PCDH19: variants seen among roughly 807,000 people sequenced by gnomAD.
PCDH19 encodes the protein protocadherin 19.
Under a neutral mutation model 46.2 loss-of-function variants are expected in PCDH19, and 6 were observed. The observed-to-expected ratio is 0.13, with a 90% CI of 0.07 to 0.26. The LOEUF is 0.26. Among genes scored for constraint, PCDH19 ranks in the 10% least tolerant of loss-of-function variants. The pLI, the probability that PCDH19 is intolerant of heterozygous loss-of-function variation, is 1.00. For synonymous variants in PCDH19, 481 were observed against 415.7 expected (o/e 1.16, Z -1.91); for missense variants, 740 against 972.3 (o/e 0.76, Z 3.18).
At chrX:100,336,269 G>A (rs1226485881) in intron 5 of PCDH19, among the ~76,000 whole-genome samples, 2 of 112,078 alleles carry the variant, frequency 1.8e-5, no homozygotes, top group Non-Finnish European at 3.8e-5. Context: ...AGTGAGGAGA[G>A]AGGTGAGTCG....
At chrX:100,395,853 C>G (rs1928012715) in intron 3 of PCDH19, among the ~76,000 whole-genome samples, 1 of 113,020 alleles carries the variant, frequency 8.8e-6, no homozygotes, top group Admixed American at 9.3e-5. Context: ...AAATACACAA[C>G]AGCCAAATAG....
intron 3 of PCDH19, among the ~76,000 whole-genome samples, chrX:100,372,043 C>T (rs532154615): frequency 1.8e-5 from 2 of 111,462 alleles, no homozygotes; most frequent in South Asian, 7.7e-4. Flanking sequence ...TCAAGACCAG[C>T]CCGGCCAGTA....
At chrX:100,357,956 C>T (rs749840920) in intron 3 of PCDH19, among the ~76,000 whole-genome samples, 7 of 112,134 alleles carry the variant, frequency 6.2e-5, no homozygotes, top group Admixed American at 1.9e-4. Flanking sequence ...AGGCAGGTGA[C>T]GAAGTTTATT....
intron 3 of PCDH19, among the ~76,000 whole-genome samples, chrX:100,376,678 A>AT (rs779763112): frequency 9.8e-4 from 91 of 92,474 alleles, no homozygotes; most frequent in South Asian, 3.5e-3. Flanking sequence ...AGTAACTTAG[A>AT]TTTTTTTCTT....
chrX:100,342,213 G>T, intron 4 of PCDH19, 138 bp from the exon 5 acceptor site: 1 of 549,489 alleles, frequency 1.8e-6, no homozygotes, highest in Non-Finnish European at 3.2e-6. Flanking sequence ...AAGGGGAAGA[G>T]AAATTTGTGC....
intron 5 of PCDH19, among the ~76,000 whole-genome samples, chrX:100,301,290 A>G (rs1206625566): frequency 2.7e-5 from 3 of 112,095 alleles, no homozygotes; most frequent in Non-Finnish European, 5.6e-5. Context: ...ATCCAGTCAC[A>G]ATGGATGTGT....
Position 100,295,154 on chromosome X carries a change from C to G in PCDH19, c.*1123G>C, listed in dbSNP as rs2147444280. On this transcript the variant is annotated 3_prime_UTR_variant, in exon 6 of 6. Coordinates refer to ENST00000373034, the MANE Select transcript of PCDH19 (RefSeq NM_001184880.2). ...GTTCTCAATCCCAGCCCATGACGTG[C>G]TTTGCAGTCTAATTCTAATCATGAT... 8.9e-6 allele frequency: 1 copy of G among 112,122 alleles called. No homozygotes were observed. The highest frequency in any genetic ancestry group is 3.2e-5 in the African/African-American group (1 of 30,782). 9.2% of individuals were successfully genotyped at this position (112,122 alleles called of 1,213,427 possible).
chrX:100,340,737 T>C (rs1271166169), intron 5 of PCDH19, among the ~76,000 whole-genome samples: 1 of 112,062 alleles, frequency 8.9e-6, no homozygotes, highest in Non-Finnish European at 1.9e-5. Flanking sequence ...GAATCTACAG[T>C]GACTAATTTT....
chrX:100,296,492 T>C lies in PCDH19; in HGVS notation c.3232A>G (p.Lys1078Glu). 1 of 1,210,672 alleles carries C rather than the reference T, an allele frequency of 8.3e-7. No homozygotes were observed. The highest frequency in any genetic ancestry group is 1.8e-5 in the South Asian group (1 of 56,889). The change falls in exon 6 of 6, where the codon AAG becomes GAG. Residue 1078 changes from lysine (K) to glutamate (E), a missense_variant. This residue lies in a region of PCDH19 where 416 missense variants were observed against 476.8 expected (regional missense o/e 0.87). Coordinates refer to ENST00000373034, the MANE Select transcript of PCDH19 (RefSeq NM_001184880.2). ...GCAATGGTGTAAGACACGGAAGGCT[T>C]GGTGGGCAGAGAGCTCTTGAGGTGG... ...PLHLKSSLPT[K>E]PSVSYTIALA... is the part of the protein sequence containing the mutation.
chrX:100,359,812 T>C (rs1402649583), intron 3 of PCDH19, among the ~76,000 whole-genome samples: 1 of 65,278 alleles, frequency 1.5e-5, no homozygotes, highest in Non-Finnish European at 3.9e-5. Flanking sequence ...TGTGTGTGTA[T>C]GTGTGTGTGT....
At chrX:100,351,782 A>G (rs2147493512) in intron 3 of PCDH19, among the ~76,000 whole-genome samples, 1 of 112,597 alleles carries the variant, frequency 8.9e-6, no homozygotes, top group East Asian at 2.8e-4. Flanking sequence ...TCAGACCTCT[A>G]CCTGTCAGAT....
chrX:100,333,213 GAA>G (rs1925970180), intron 5 of PCDH19, among the ~76,000 whole-genome samples: 2 of 103,144 alleles, frequency 1.9e-5, no homozygotes, highest in Admixed American at 2.1e-4. Context: ...AAGAAAGAAA[GAA>G]AGAAAGAAAG....
chrX:100,308,315 G>A (rs1405357999), intron 5 of PCDH19, among the ~76,000 whole-genome samples: 1 of 111,163 alleles, frequency 9.0e-6, no homozygotes, highest in Non-Finnish European at 1.9e-5. Flanking sequence ...AATGGTGCTG[G>A]GATCATTGAC....
rs1928552366 is a variant in PCDH19 at position 100,410,040 on chromosome X, G to A, written c.-1443C>T. On this transcript the variant is annotated 5_prime_UTR_variant, in exon 1 of 6. Coordinates refer to ENST00000373034, the MANE Select transcript of PCDH19 (RefSeq NM_001184880.2). ...GAGTATGAGCAAGCAGGAGGCAATG[G>A]GTTTGGGGTAGGAGGTTTAGGATTT... 6.7e-6 allele frequency: 2 copies of A among 297,789 alleles called. No individual in the cohort carries two copies. The highest frequency in any genetic ancestry group is 2.7e-5 in the African/African-American group (1 of 36,842). 24.5% of individuals were successfully genotyped at this position (297,789 alleles called of 1,213,427 possible). A position where few individuals can be genotyped will look rare whatever the true frequency, so the allele number is the denominator to read the frequency against.
At chrX:100,334,260 T>C (rs910301519) in intron 5 of PCDH19, among the ~76,000 whole-genome samples, 15 of 111,743 alleles carry the variant, frequency 1.3e-4, no homozygotes, top group Non-Finnish European at 2.3e-4. Context: ...GTATTGTATA[T>C]TTCAAGATAG....
chrX:100,324,634 A>G (rs1925622323), intron 5 of PCDH19, among the ~76,000 whole-genome samples: 1 of 112,550 alleles, frequency 8.9e-6, no homozygotes, highest in African/African-American at 3.2e-5. Context: ...TGGATATTAA[A>G]GAACGCCAAG....
chrX:100,299,131 G>A (rs1924701700), intron 5 of PCDH19, among the ~76,000 whole-genome samples: 1 of 111,643 alleles, frequency 9.0e-6, no homozygotes, highest in African/African-American at 3.3e-5. Context: ...AAAATGTCCA[G>A]AAGGCTATAA....
In PCDH19 at chrX:100,410,272, C is replaced by T. The variant is rs898997244; in HGVS notation, c.-1675G>A. On this transcript the variant is annotated 5_prime_UTR_variant, in exon 1 of 6. Transcript: ENST00000373034. ...CTGCTCCTCCGGATGCCGCAAACTACTGGCCGCGGAGTCTGGAGAAAGCCG... is the reference window on the plus strand; with the variant it reads ...CTGCTCCTCCGGATGCCGCAAACTATTGGCCGCGGAGTCTGGAGAAAGCCG... The T allele has an allele frequency of 1.3e-4, 38 of 295,766 alleles. No homozygotes were observed. Among genetic ancestry groups the T allele is most frequent in the African/African-American group, 7.4e-4 (27 of 36,540 alleles). The allele number at this position is 295,766 out of a possible 1,213,427, so 24.4% of individuals were successfully genotyped here.
At chrX:100,308,265 C>A (rs1277945979) in intron 5 of PCDH19, among the ~76,000 whole-genome samples, 1 of 110,963 alleles carries the variant, frequency 9.0e-6, no homozygotes, top group African/African-American at 3.3e-5. Context: ...TTCAACAAAG[C>A]AAACAAAAAC....
Sources: gnomAD v4.1 joint callset for allele counts (sites outside exome capture counted in the v4.1 genomes callset) on GRCh38, gnomAD v4.1.1 for gene constraint, gnomAD v4.1.1 regional missense constraint, MANE v1.5 for transcripts, NCBI Gene and HGNC (gene_info 2026-07-23, HGNC 2026-07-21) for gene names.